The following CNTN5 variants were observed in gnomAD, a reference collection of about 807,000 sequenced individuals.
CNTN5 encodes contactin-5.
CNTN5 carries 77 observed loss-of-function variants against 129.1 expected under a neutral mutation model. That is an observed-to-expected ratio of 0.60 (90% confidence interval 0.50 to 0.72). The LOEUF is 0.72. Among genes scored for constraint, CNTN5 ranks in the 30% least tolerant of loss-of-function variants. The pLI is 0.00. For missense variants in CNTN5, 1,478 were observed against 1,328.8 expected, an observed-to-expected ratio of 1.11 and a Z score of -1.75; for synonymous variants, 509 against 465.6, an observed-to-expected ratio of 1.09 and a Z score of -1.20.
intron 3 of CNTN5, among the ~76,000 whole-genome samples, chr11:99,717,987 G>A (rs1264236656): frequency 1.3e-5 from 2 of 152,028 alleles, no homozygotes; most frequent in African/African-American, 2.4e-5. Flanking sequence ...GTTTCATTGC[G>A]AATTTCAACT....
chr11:99,154,635 G>T (rs541182142), intron 1 of CNTN5, among the ~76,000 whole-genome samples: 2 of 152,298 alleles, frequency 1.3e-5, no homozygotes, highest in South Asian at 4.1e-4. Context: ...GGTGTGAGTA[G>T]ACACACATTG....
chr11:100,302,085 T>G (rs1160727990), intron 20 of CNTN5, among the ~76,000 whole-genome samples: 1 of 151,548 alleles, frequency 6.6e-6, no homozygotes, highest in Non-Finnish European at 1.5e-5. Context: ...TAAAACATTC[T>G]TTGTAACAAT....
chr11:99,422,618 T>C lies in CNTN5; in HGVS notation c.-71+97134T>C, dbSNP rs539323326. Among the ~76,000 whole-genome samples, 7 of 149,694 alleles carry C rather than the reference T, an allele frequency of 4.7e-5. No homozygotes were observed. The South Asian group carries it at 1.5e-3, about 32-fold the overall frequency. Reference sequence around the variant, plus strand: ...TACATGTGCACAACGTGCAGGTTTGTTACGTATGTAAAACAAAGAGAGTGT... The same window carrying C: ...TACATGTGCACAACGTGCAGGTTTGCTACGTATGTAAAACAAAGAGAGTGT... On this transcript the variant is annotated intron_variant, in intron 2 of 24. Coordinates refer to ENST00000524871, the MANE Select transcript of CNTN5 (RefSeq NM_014361.4).
intron 2 of CNTN5, among the ~76,000 whole-genome samples, chr11:99,355,811 G>GT (rs367680756): frequency 2.5e-4 from 32 of 127,876 alleles, no homozygotes; most frequent in African/African-American, 4.7e-4. Flanking sequence ...ATCTGTCATG[G>GT]TTTTTTTTTG....
rs1477618549 is a variant in CNTN5, at chr11:99,504,942, AG to A, written c.-70-51202del. On this transcript the variant is annotated intron_variant, in intron 2 of 24. Coordinates refer to ENST00000524871, the MANE Select transcript of CNTN5 (RefSeq NM_014361.4). ...AAGGAAAGGAGAAGAGAATGTAAAA[AG>A]CAGGGGAAAGAGGCAAGCAGAAATA... Among the ~76,000 whole-genome samples, 4 of 152,212 alleles carry A rather than the reference AG, an allele frequency of 2.6e-5. No individual in the cohort carries two copies. The East Asian group carries it at 7.7e-4, about 29-fold the overall frequency.
At chr11:99,551,910 CT>C (rs1334801874) in intron 2 of CNTN5, among the ~76,000 whole-genome samples, 3,252 of 139,814 alleles carry the variant, frequency 0.023, 32 homozygotes, top group Middle Eastern at 0.046. Flanking sequence ...TGAGTTTTTT[CT>C]TTTTTTTTTT....
intron 16 of CNTN5, among the ~76,000 whole-genome samples, chr11:100,227,647 A>C (rs1949406988): frequency 6.6e-6 from 1 of 152,228 alleles, no homozygotes; most frequent in Non-Finnish European, 1.5e-5. Flanking sequence ...AGCACCATGC[A>C]TAATCTGGAG....
intron 3 of CNTN5, among the ~76,000 whole-genome samples, chr11:99,627,157 C>T (rs1951161597): frequency 6.6e-6 from 1 of 152,018 alleles, no homozygotes; most frequent in African/African-American, 2.4e-5. Context: ...ATTGTTGGTG[C>T]CCACACTCCA....
At chr11:99,515,022 A>C (rs1374761695) in intron 2 of CNTN5, among the ~76,000 whole-genome samples, 1 of 152,074 alleles carries the variant, frequency 6.6e-6, no homozygotes, top group Non-Finnish European at 1.5e-5. Flanking sequence ...GTCTAAATGA[A>C]ATATATAGCT....
chr11:99,726,126 A>G (rs1213062913), intron 3 of CNTN5, among the ~76,000 whole-genome samples: 5 of 152,134 alleles, frequency 3.3e-5, no homozygotes, highest in African/African-American at 4.8e-5. Flanking sequence ...CTCTCCCTCT[A>G]TCTCTGGGGC....
intron 1 of CNTN5, among the ~76,000 whole-genome samples, chr11:99,037,680 A>C (rs1184782750): frequency 6.8e-6 from 1 of 148,082 alleles, no homozygotes; most frequent in Admixed American, 6.9e-5. Flanking sequence ...TCTCAGGTTC[A>C]AGCAATTCTC....
intron 8 of CNTN5, among the ~76,000 whole-genome samples, chr11:99,976,571 A>G (rs1301150404): frequency 1.3e-5 from 2 of 152,204 alleles, no homozygotes; most frequent in East Asian, 1.9e-4. Flanking sequence ...TACAGGCTCA[A>G]TGCCACGTGG....
At chr11:100,181,539 G>T (rs902926128) in intron 13 of CNTN5, among the ~76,000 whole-genome samples, 1 of 151,828 alleles carries the variant, frequency 6.6e-6, no homozygotes, top group African/African-American at 2.4e-5. Context: ...GAAAAATATT[G>T]TATAAAACTT....
chr11:99,768,185 G>C (rs182263897), intron 3 of CNTN5, among the ~76,000 whole-genome samples: 6 of 152,082 alleles, frequency 3.9e-5, no homozygotes, highest in African/African-American at 1.2e-4. Context: ...TTAAAATTTT[G>C]CTACATCTGT....
chr11:99,903,095 C>G (rs1949402110), intron 6 of CNTN5, among the ~76,000 whole-genome samples: 1 of 152,038 alleles, frequency 6.6e-6, no homozygotes, highest in Non-Finnish European at 1.5e-5. Context: ...AACTATACAA[C>G]AGCAAATGAG....
intron 12 of CNTN5, among the ~76,000 whole-genome samples, chr11:100,072,706 T>C (rs771338014): frequency 7.9e-5 from 12 of 152,282 alleles, no homozygotes; most frequent in Non-Finnish European, 1.3e-4. Flanking sequence ...CTAAATGTAA[T>C]ACATCCTAAA....
Position 100,030,603 on chromosome 11 carries a change from G to A in CNTN5, c.980+28467G>A, listed in dbSNP as rs376060850. Among the ~76,000 whole-genome samples, 26 of 152,258 alleles carry A rather than the reference G, an allele frequency of 1.7e-4. No individual in the cohort carries two copies. The East Asian group carries it at 4.6e-3, about 27-fold the overall frequency. On this transcript the variant is annotated intron_variant, in intron 9 of 24. Coordinates refer to ENST00000524871, the MANE Select transcript of CNTN5 (RefSeq NM_014361.4). Reference sequence around the variant, plus strand: ...GTCCGCTTGTCTCTATTTGACTTTGGTGTATACCCTGTAGAACAAAAGGGC... The same window carrying A: ...GTCCGCTTGTCTCTATTTGACTTTGATGTATACCCTGTAGAACAAAAGGGC...
intron 2 of CNTN5, among the ~76,000 whole-genome samples, chr11:99,533,292 G>A (rs1024722214): frequency 6.6e-6 from 1 of 152,146 alleles, no homozygotes; most frequent in Non-Finnish European, 1.5e-5. Flanking sequence ...TGGATAAATG[G>A]CTGCCATCCT....
At chr11:99,964,851 C>T (rs1951050590) in intron 8 of CNTN5, among the ~76,000 whole-genome samples, 1 of 152,120 alleles carries the variant, frequency 6.6e-6, no homozygotes, top group South Asian at 2.1e-4. Flanking sequence ...TGTTATTGGT[C>T]TATTCAGAGA....
Sources: gnomAD v4.1 joint callset for allele counts (sites outside exome capture counted in the v4.1 genomes callset) on GRCh38, gnomAD v4.1.1 for gene constraint, MANE v1.5 for transcripts, NCBI Gene and HGNC (gene_info 2026-07-23, HGNC 2026-07-21) for gene names.